The following TUSC3 variants were observed in gnomAD, a reference collection of about 807,000 sequenced individuals.
The protein encoded by TUSC3 is tumor suppressor candidate 3, also known as dolichyl-diphosphooligosaccharide--protein glycosyltransferase subunit TUSC3.
Under a neutral mutation model 44.8 loss-of-function variants are expected in TUSC3, and 45 were observed. The ratio of observed to expected loss-of-function variants is 1.00; its 90% CI spans 0.79 to 1.29. TUSC3 has a LOEUF of 1.29. Ranked by LOEUF, TUSC3 falls within the 50% of genes most tolerant of loss-of-function variation. The probability of loss-of-function intolerance (pLI) is 0.00; values close to 1 mark genes in which losing one functional copy is unlikely to be tolerated. For synonymous variants in TUSC3, 212 were observed against 152.9 expected (o/e 1.39, Z -2.85); for missense variants, 519 against 437.9 (o/e 1.19, Z -1.65).
At chr8:15,738,363 C>T (rs1221412058) in intron 7 of TUSC3, among the ~76,000 whole-genome samples, 1 of 152,142 alleles carries the variant, frequency 6.6e-6, no homozygotes, top group African/African-American at 2.4e-5. Flanking sequence ...TAATGGTATA[C>T]AGTTTTTTTG....
chr8:15,515,345 A>G (rs1219506591), intron 2 of TUSC3, among the ~76,000 whole-genome samples: 2 of 152,172 alleles, frequency 1.3e-5, no homozygotes, highest in Non-Finnish European at 1.5e-5. Context: ...TTTTTTACTA[A>G]CATGGTCCAC....
intron 1 of TUSC3, among the ~76,000 whole-genome samples, chr8:15,446,097 G>A (rs562556395): frequency 1.0e-4 from 15 of 149,776 alleles, no homozygotes; most frequent in African/African-American, 3.7e-4. Context: ...CGGGGTGGCG[G>A]TTGGGCAGAG....
intron 2 of TUSC3, among the ~76,000 whole-genome samples, chr8:15,528,700 G>T (rs780053176): frequency 6.6e-6 from 1 of 152,154 alleles, no homozygotes; most frequent in African/African-American, 2.4e-5. Context: ...GCATACTCCT[G>T]TGACCCTCTT....
the TUSC3 span, among the ~76,000 whole-genome samples, chr8:15,794,562 A>C: frequency 6.6e-6 from 1 of 152,176 alleles, no homozygotes; most frequent in African/African-American, 2.4e-5. Context: ...TCCTTGTTAG[A>C]GATAAAGGAT....
At chr8:15,548,749 C>T (rs1233155899) in intron 1 of TUSC3, among the ~76,000 whole-genome samples, 1 of 151,868 alleles carries the variant, frequency 6.6e-6, no homozygotes, top group Non-Finnish European at 1.5e-5. Flanking sequence ...TTGCCCATGA[C>T]TGTACAACTT....
At chr8:15,530,562 G>C (rs1317370494) in intron 2 of TUSC3, among the ~76,000 whole-genome samples, 1 of 152,168 alleles carries the variant, frequency 6.6e-6, no homozygotes, top group East Asian at 1.9e-4. Context: ...GTAAGAGACA[G>C]AGCAAGGAAT....
At chr8:15,669,052 G>C (rs141278745) in intron 5 of TUSC3, among the ~76,000 whole-genome samples, 130 of 151,854 alleles carry the variant, frequency 8.6e-4, no homozygotes, top group African/African-American at 3.1e-3. Context: ...AAAACCTTCA[G>C]TGGTTGAGAT....
At chr8:15,417,978 T>C (rs146804538) in intron 1 of TUSC3, among the ~76,000 whole-genome samples, 2 of 152,274 alleles carry the variant, frequency 1.3e-5, no homozygotes, top group East Asian at 3.9e-4. Flanking sequence ...AAACTCTACA[T>C]GCCTGGGAAA....
intron 6 of TUSC3, among the ~76,000 whole-genome samples, chr8:15,678,977 G>A (rs1181252382): frequency 1.3e-5 from 2 of 152,132 alleles, no homozygotes; most frequent in African/African-American, 4.8e-5. Context: ...TGGTGTATAT[G>A]TACCGTATTT....
Position 15,696,241 on chromosome 8 carries a change from T to C in TUSC3, c.798+22405T>C, listed in dbSNP as rs536461525. ...CTAGGGACTTGGTGCCTTGCATCCT[T>C]GCTGCTCCAGCTGAGACTAGAACGG... is the stretch of plus-strand genomic sequence containing the variant. On this transcript the variant is annotated intron_variant, in intron 6 of 10. Coordinates refer to ENST00000503731, the MANE Select transcript of TUSC3 (RefSeq NM_006765.4). Among the ~76,000 whole-genome samples the C allele has an allele frequency of 1.7e-4, 26 of 152,264 alleles. No homozygotes were observed. The East Asian group carries it at 4.9e-3, about 28-fold the overall frequency.
chr8:15,418,776 C>T (rs1799690795), intron 1 of TUSC3, among the ~76,000 whole-genome samples: 2 of 152,100 alleles, frequency 1.3e-5, no homozygotes, highest in South Asian at 2.1e-4. Context: ...GAGGCCAAGG[C>T]AGGAGGATTG....
chr8:15,675,709 G>A (rs938197548), intron 6 of TUSC3, among the ~76,000 whole-genome samples: 5 of 151,924 alleles, frequency 3.3e-5, no homozygotes, highest in Non-Finnish European at 5.9e-5. Flanking sequence ...TTCTTTTTCT[G>A]TTAATTTGCT....
At chr8:15,513,991 T>A (rs993722897) in intron 2 of TUSC3, among the ~76,000 whole-genome samples, 2 of 152,162 alleles carry the variant, frequency 1.3e-5, no homozygotes, top group Non-Finnish European at 2.9e-5. Flanking sequence ...CTTCTTTACA[T>A]ACAATAAAGC....
At chr8:15,496,543 C>G (rs114848576) in intron 2 of TUSC3, among the ~76,000 whole-genome samples, 88 of 152,284 alleles carry the variant, frequency 5.8e-4, no homozygotes, top group Middle Eastern at 3.4e-3. Flanking sequence ...CCGACAAGGT[C>G]TTACTTTTGG....
At chr8:15,732,577 C>G (rs1362939334) in intron 7 of TUSC3, among the ~76,000 whole-genome samples, 1 of 151,016 alleles carries the variant, frequency 6.6e-6, no homozygotes, top group South Asian at 2.1e-4. Context: ...AAAAAAAAAT[C>G]ATCTTCTAAT....
At chr8:15,470,695 C>T (rs1008432814) in intron 1 of TUSC3, among the ~76,000 whole-genome samples, 3 of 152,114 alleles carry the variant, frequency 2.0e-5, no homozygotes, top group African/African-American at 4.8e-5. Context: ...ATGAGAAAAA[C>T]AATCCCTTCC....
chr8:15,569,116 C>G (rs1335907755), intron 1 of TUSC3, among the ~76,000 whole-genome samples: 1 of 152,074 alleles, frequency 6.6e-6, no homozygotes, highest in African/African-American at 2.4e-5. Flanking sequence ...TCCTTTATTA[C>G]TGTATGATTA....
intron 5 of TUSC3, among the ~76,000 whole-genome samples, chr8:15,669,424 C>G (rs978749595): frequency 6.6e-6 from 1 of 151,670 alleles, no homozygotes; most frequent in Admixed American, 6.6e-5. Context: ...TAAAATCTGA[C>G]GGGGACATTT....
At chr8:15,838,134 G>C in the TUSC3 span, among the ~76,000 whole-genome samples, 5 of 152,166 alleles carry the variant, frequency 3.3e-5, no homozygotes, top group African/African-American at 4.8e-5. Flanking sequence ...TTGTCTAAAA[G>C]AGCCTTTGTC....
Sources: gnomAD v4.1 joint callset for allele counts (sites outside exome capture counted in the v4.1 genomes callset) on GRCh38, gnomAD v4.1.1 for gene constraint, MANE v1.5 for transcripts, NCBI Gene and HGNC (gene_info 2026-07-23, HGNC 2026-07-21) for gene names.